The following CASZ1 variants were observed in gnomAD, a reference collection of about 807,000 sequenced individuals.
CASZ1 encodes castor zinc finger 1.
CASZ1 carries 28 observed loss-of-function variants against 135.2 expected under a neutral mutation model. The ratio of observed to expected loss-of-function variants is 0.21; its 90% CI spans 0.15 to 0.28. The LOEUF (loss-of-function observed/expected upper bound fraction) is 0.28, where lower values mean the gene tolerates loss of function less well. CASZ1 is among the 10% of genes least tolerant of loss of function. The probability of loss-of-function intolerance (pLI) is 1.00; values close to 1 mark genes in which losing one functional copy is unlikely to be tolerated. For synonymous variants in CASZ1, 1,068 were observed against 1,073.4 expected, an observed-to-expected ratio of 0.99 and a Z score of 0.10; for missense variants, 2,161 against 2,453.3, an observed-to-expected ratio of 0.88 and a Z score of 2.52.
chr1:10,712,791 C>T (rs1027056836), intron 2 of CASZ1, among the ~76,000 whole-genome samples: 9 of 152,244 alleles, frequency 5.9e-5, no homozygotes, highest in African/African-American at 1.7e-4. Flanking sequence ...AGCGCTTCTC[C>T]TGTGCGGATC....
rs1341555388 is a variant in CASZ1 at position 10,709,097 on chromosome 1, C to A, written c.-76-3553G>T. 6.6e-6 allele frequency among the ~76,000 whole-genome samples: 1 copy of A among 152,134 alleles called. No individual in the cohort carries two copies. The highest frequency in any genetic ancestry group is 2.4e-5 in the African/African-American group (1 of 41,408). On this transcript the variant is annotated intron_variant, in intron 2 of 20. Transcript: ENST00000377022. This position sits in a 1 kb window ranked among gnomAD's most constrained non-coding sequence, Gnocchi z 5.1. The stretch of plus-strand genomic sequence containing the variant: ...GAAGGGGCCTCCTCCATCTGCAGTT[C>A]CCTCTTGCTGGAGCCGCTGCTGGTC...
rs986128114 is a variant in CASZ1 at position 10,646,809 on chromosome 1, C to T, written c.3498-483G>A. Among the ~76,000 whole-genome samples the T allele has an allele frequency of 1.3e-5, 2 of 152,188 alleles. No homozygotes were observed. The highest frequency in any genetic ancestry group is 4.8e-5 in the African/African-American group (2 of 41,438). Reference sequence around the variant, plus strand: ...CACAGGCCCTTAGCAAGCAGGAGCGCGTGCCTGGTGTCAGCTCCTGGGGGC... The same window carrying T: ...CACAGGCCCTTAGCAAGCAGGAGCGTGTGCCTGGTGTCAGCTCCTGGGGGC... On this transcript the variant is annotated intron_variant, in intron 16 of 20. Coordinates refer to ENST00000377022, the MANE Select transcript of CASZ1 (RefSeq NM_001079843.3). This position sits in a 1 kb window ranked among gnomAD's most constrained non-coding sequence, Gnocchi z 6.4.
chr1:10,784,479 G>A (rs1172377159), intron 1 of CASZ1, among the ~76,000 whole-genome samples: 2 of 152,320 alleles, frequency 1.3e-5, no homozygotes, highest in East Asian at 3.9e-4. Flanking sequence ...TTGCCATGTG[G>A]GCTAATGGCT....
In CASZ1 at chr1:10,676,236, T is replaced by C. The variant is rs1024508057; in HGVS notation, c.17-10665A>G. On this transcript the variant is annotated intron_variant, in intron 4 of 20. Coordinates refer to ENST00000377022, the MANE Select transcript of CASZ1 (RefSeq NM_001079843.3). This position sits in a 1 kb window ranked among gnomAD's most constrained non-coding sequence, Gnocchi z 4.5. Reference sequence around the variant, plus strand: ...GACAGACACCAAGGCCCTGCTGGACTGGCCCGGACCCCCGTCCCCCATGCT... The same window carrying C: ...GACAGACACCAAGGCCCTGCTGGACCGGCCCGGACCCCCGTCCCCCATGCT... 8.5e-5 allele frequency among the ~76,000 whole-genome samples: 13 copies of C among 152,134 alleles called. No individual in the cohort carries two copies. The highest frequency in any genetic ancestry group is 3.9e-4 in the Admixed American group (6 of 15,286).
rs537718777 is a variant in CASZ1 at position 10,702,728 on chromosome 1, C to T, written c.-24+2764G>A. 3.3e-5 allele frequency among the ~76,000 whole-genome samples: 5 copies of T among 152,192 alleles called. No homozygotes were observed. In the East Asian group the frequency reaches 7.7e-4, roughly 24 times the overall value. ...CATTCCACTGCCCCACCCCTGCCAG[C>T]GGGGGAAGTGGCCACGGTGGCCTGG... On this transcript the variant is annotated intron_variant, in intron 3 of 20. Transcript: ENST00000377022.
intron 4 of CASZ1, among the ~76,000 whole-genome samples, chr1:10,691,565 C>T (rs890168886): frequency 1.3e-5 from 2 of 152,230 alleles, no homozygotes; most frequent in African/African-American, 2.4e-5. Context: ...GAGAGGCCCT[C>T]GGCTGAAGCT....
At position 10,639,725 on chromosome 1, in the gene CASZ1, G is replaced by T; in HGVS notation, c.4497C>A (p.Leu1499=). The change falls in exon 21 of 21, where the codon CTC becomes CTA. Residue 1499 remains leucine (L), a synonymous_variant. Coordinates refer to ENST00000377022, the MANE Select transcript of CASZ1 (RefSeq NM_001079843.3). This position sits in a 1 kb window ranked among gnomAD's most constrained non-coding sequence, Gnocchi z 4.0. ...AGGGGCAGTCGGCGAAGTGGCAGCT[G>T]AGTGAGGCCTTGAAGCGCTTGAAGT... The part of the protein sequence containing the change: ...LDDFKRFKAS[L]SCHFADCPFS... 1 of 1,593,128 alleles carries T rather than the reference G, an allele frequency of 6.3e-7. No individual in the cohort carries two copies. The highest frequency in any genetic ancestry group is 2.3e-5 in the East Asian group (1 of 44,018).
At chr1:10,693,968 C>T in intron 3 of CASZ1, 56 bp from the exon 4 acceptor site, 1 of 1,542,206 alleles carries the variant, frequency 6.5e-7, no homozygotes, top group Non-Finnish European at 8.9e-7. Context: ...GGGTTAGCGT[C>T]TCGCGGGACC....
chr1:10,793,063 G>A (rs529784883), intron 1 of CASZ1, among the ~76,000 whole-genome samples: 1 of 151,978 alleles, frequency 6.6e-6, no homozygotes, highest in Non-Finnish European at 1.5e-5. Context: ...ATTAATAAGT[G>A]TGAAAAAAAT....
chr1:10,793,251 AG>A (rs1192225182), intron 1 of CASZ1, among the ~76,000 whole-genome samples: 1 of 143,996 alleles, frequency 6.9e-6, no homozygotes, highest in Non-Finnish European at 1.5e-5. Context: ...GGGGGGAGGA[AG>A]GGGGTGGTGG....
intron 4 of CASZ1, among the ~76,000 whole-genome samples, chr1:10,672,501 C>T (rs919874358): frequency 2.0e-5 from 3 of 150,780 alleles, no homozygotes; most frequent in Admixed American, 6.6e-5. Flanking sequence ...CCCCCCTCCC[C>T]GGGCCCAATC....
intron 3 of CASZ1, among the ~76,000 whole-genome samples, chr1:10,702,276 GCACC>G (rs1639077205): frequency 6.6e-6 from 1 of 152,154 alleles, no homozygotes; most frequent in African/African-American, 2.4e-5. Flanking sequence ...CTATGCACCT[GCACC>G]CTTTCAAGGA....
chr1:10,660,726 GTAAT>G lies in CASZ1; in HGVS notation c.506-194_506-191del, dbSNP rs1183879408. On this transcript the variant is annotated intron_variant, in intron 5 of 20. Transcript: ENST00000377022. ...TTAAATTAATTTGTTTTAAAAAAAA[GTAAT>G]TAATACTGGGGTAAAATAAAACGAG... The G allele has an allele frequency of 3.8e-5, 22 of 576,684 alleles. 1 individual carries two copies. Among genetic ancestry groups the G allele is most frequent in the Middle Eastern group, 4.6e-4 (1 of 2,178 alleles). 35.7% of individuals were successfully genotyped at this position (576,684 alleles called of 1,614,324 possible).
At chr1:10,652,058 A>G (rs1304452908) in intron 11 of CASZ1, 1 of 152,222 alleles carries the variant, frequency 6.6e-6, no homozygotes, top group Non-Finnish European at 1.5e-5. Context: ...TGAGCGTCCT[A>G]TTGGGCCTGT....
intron 3 of CASZ1, among the ~76,000 whole-genome samples, chr1:10,702,952 G>C (rs1375047716): frequency 2.7e-5 from 4 of 145,992 alleles, no homozygotes; most frequent in Admixed American, 1.3e-4. Context: ...AAAGGAGAGA[G>C]AGGGAGAGGC....
intron 10 of CASZ1, 29 bp from the exon 11 acceptor site, chr1:10,654,247 A>T (rs746429987): frequency 6.2e-7 from 1 of 1,608,968 alleles, no homozygotes; most frequent in Non-Finnish European, 8.5e-7. Context: ...GCCTGTCATG[A>T]GACCCAGAGG....
At chr1:10,737,478 G>T (rs1383796982) in intron 2 of CASZ1, among the ~76,000 whole-genome samples, 1 of 152,216 alleles carries the variant, frequency 6.6e-6, no homozygotes, top group Admixed American at 6.5e-5. Flanking sequence ...AGAAGTGGGT[G>T]GGGTTTCCCT....
At chr1:10,731,246 A>G (rs1373612162) in intron 2 of CASZ1, among the ~76,000 whole-genome samples, 1 of 152,196 alleles carries the variant, frequency 6.6e-6, no homozygotes, top group African/African-American at 2.4e-5. Flanking sequence ...CTCATAGAGC[A>G]GCTTGAGCAA....
chr1:10,786,602 A>G (rs1466681005), intron 1 of CASZ1, among the ~76,000 whole-genome samples: 1 of 152,140 alleles, frequency 6.6e-6, no homozygotes, highest in Non-Finnish European at 1.5e-5. Context: ...AGCTCGTGTA[A>G]CCCTCACATC....
Sources: gnomAD v4.1 joint callset for allele counts (sites outside exome capture counted in the v4.1 genomes callset) on GRCh38, gnomAD v4.1.1 for gene constraint, Gnocchi (gnomAD v3.1) non-coding constraint, MANE v1.5 for transcripts, NCBI Gene and HGNC (gene_info 2026-07-23, HGNC 2026-07-21) for gene names.